TAOK3: variants seen among roughly 807,000 people sequenced by gnomAD.
TAOK3 encodes the protein TAO kinase 3, also known as serine/threonine-protein kinase TAO3.
A neutral mutation model predicts 120.4 loss-of-function variants in TAOK3; 40 were observed. That is an observed-to-expected ratio of 0.33 (90% CI 0.26 to 0.43). TAOK3 has a LOEUF of 0.43. Ranked by LOEUF, TAOK3 falls within the 20% of genes least tolerant of loss-of-function variation. TAOK3 has a pLI of 1.00. For synonymous variants in TAOK3, 355 were observed against 387.5 expected, an observed-to-expected ratio of 0.92 and a Z score of 0.99; for missense variants, 821 against 1,112.1, an observed-to-expected ratio of 0.74 and a Z score of 3.72.
intron 3 of TAOK3, among the ~76,000 whole-genome samples, chr12:118,253,774 C>T (rs1435754451): frequency 6.7e-6 from 1 of 150,362 alleles, no homozygotes; most frequent in South Asian, 2.1e-4. Flanking sequence ...AAAAACAGGG[C>T]CCGGTGCAGT....
chr12:118,268,772 G>A (rs1182425957), intron 1 of TAOK3, among the ~76,000 whole-genome samples: 2 of 152,184 alleles, frequency 1.3e-5, no homozygotes, highest in Admixed American at 1.3e-4. Context: ...ACTTTGAGAG[G>A]CCAAGGCGGG....
intron 3 of TAOK3, among the ~76,000 whole-genome samples, chr12:118,249,560 TAAAAA>T (rs772488477): frequency 1.6e-4 from 17 of 107,234 alleles, no homozygotes; most frequent in African/African-American, 6.0e-4. Context: ...AGATTTTGTC[TAAAAA>T]AAAAAAAAAA....
At chr12:118,321,237 TA>T in intron 1 of TAOK3, among the ~76,000 whole-genome samples, 1 of 150,678 alleles carries the variant, frequency 6.6e-6, no homozygotes, top group Middle Eastern at 3.5e-3. Context: ...TACATGCAAA[TA>T]CACACACACA....
chr12:118,153,939 AAATT>A (rs772529548), intron 19 of TAOK3, among the ~76,000 whole-genome samples: 17 of 152,236 alleles, frequency 1.1e-4, no homozygotes, highest in Non-Finnish European at 2.2e-4. Flanking sequence ...TACCTTCTAA[AAATT>A]AATCCTAACC....
At chr12:118,297,627 T>C (rs894910113) in intron 1 of TAOK3, among the ~76,000 whole-genome samples, 1 of 152,236 alleles carries the variant, frequency 6.6e-6, no homozygotes, top group Non-Finnish European at 1.5e-5. Context: ...GTTTATTGTT[T>C]CTCTCCTGTC....
intron 11 of TAOK3, among the ~76,000 whole-genome samples, chr12:118,210,740 CTTT>C (rs972130210): frequency 1.4e-5 from 2 of 139,058 alleles, no homozygotes; most frequent in Non-Finnish European, 1.6e-5. Context: ...TTTCTTTTTT[CTTT>C]TTTTTTTTTT....
At chr12:118,328,222 G>A (rs765933298) in intron 1 of TAOK3, among the ~76,000 whole-genome samples, 1 of 152,036 alleles carries the variant, frequency 6.6e-6, no homozygotes, top group East Asian at 1.9e-4. Context: ...CACCACGCCT[G>A]GCTAATTTTT....
chr12:118,324,906 A>G (rs1035980592), intron 1 of TAOK3, among the ~76,000 whole-genome samples: 3 of 151,342 alleles, frequency 2.0e-5, no homozygotes, highest in Non-Finnish European at 2.9e-5. Flanking sequence ...CACCAGGCCC[A>G]GCTAATTTTT....
intron 2 of TAOK3, among the ~76,000 whole-genome samples, chr12:118,257,178 C>T (rs1159587209): frequency 1.3e-5 from 2 of 152,154 alleles, no homozygotes; most frequent in African/African-American, 2.4e-5. Flanking sequence ...TCAGATCTAA[C>T]AGCAAAGCCC....
intron 11 of TAOK3, among the ~76,000 whole-genome samples, chr12:118,203,132 C>T (rs1043812851): frequency 5.9e-5 from 9 of 152,022 alleles, no homozygotes; most frequent in Non-Finnish European, 1.2e-4. Context: ...TACACACTAT[C>T]CCTTGAAAAA....
At chr12:118,334,968 C>T (rs1452822928) in intron 1 of TAOK3, among the ~76,000 whole-genome samples, 1 of 151,452 alleles carries the variant, frequency 6.6e-6, no homozygotes, top group African/African-American at 2.4e-5. Flanking sequence ...CACCTGAGGT[C>T]GGGAGTTTGA....
intron 1 of TAOK3, among the ~76,000 whole-genome samples, chr12:118,319,597 A>C (rs1202090773): frequency 6.6e-6 from 1 of 152,180 alleles, no homozygotes; most frequent in East Asian, 1.9e-4. Flanking sequence ...ACACATGAAA[A>C]AATGCTTATC....
chr12:118,249,417 C>T (rs757311159), intron 3 of TAOK3, among the ~76,000 whole-genome samples: 1 of 151,960 alleles, frequency 6.6e-6, no homozygotes, highest in African/African-American at 2.4e-5. Context: ...TGAAAATTAG[C>T]AGGGCGTGGT....
At chr12:118,167,213 C>T (rs1237019662) in intron 17 of TAOK3, among the ~76,000 whole-genome samples, 1 of 151,902 alleles carries the variant, frequency 6.6e-6, no homozygotes, top group African/African-American at 2.4e-5. Flanking sequence ...CTTGTTTTCA[C>T]TAATTAAAAG....
intron 1 of TAOK3, among the ~76,000 whole-genome samples, chr12:118,354,277 T>A (rs970212769): frequency 1.3e-5 from 2 of 152,172 alleles, no homozygotes; most frequent in Non-Finnish European, 1.5e-5. Flanking sequence ...AAATCAAGGT[T>A]AGTTGAACAC....
intron 1 of TAOK3, among the ~76,000 whole-genome samples, chr12:118,338,653 G>A (rs532704949): frequency 6.6e-6 from 1 of 151,958 alleles, no homozygotes; most frequent in Non-Finnish European, 1.5e-5. Context: ...AGGCGTGGTG[G>A]CCACGCGCCT....
Position 118,238,186 on chromosome 12 carries a change from A to T in TAOK3, c.341-17T>A. 1.3e-6 allele frequency: 2 copies of T among 1,534,356 alleles called. No individual in the cohort carries two copies. The highest frequency in any genetic ancestry group is 1.4e-5 in the African/African-American group (1 of 72,934). On this transcript the variant is annotated splice_polypyrimidine_tract_variant and intron_variant, in intron 6 of 20. Transcript: ENST00000392533. Reference sequence around the variant, plus strand: ...TTTTATGAACTGAGGAAGGAAAAAAAAAAAAGTCAGTAGATGATCAGTTTC... The same window carrying T: ...TTTTATGAACTGAGGAAGGAAAAAATAAAAAGTCAGTAGATGATCAGTTTC...
intron 1 of TAOK3, among the ~76,000 whole-genome samples, chr12:118,308,645 T>C (rs1329077749): frequency 6.6e-6 from 1 of 152,034 alleles, no homozygotes; most frequent in Non-Finnish European, 1.5e-5. Flanking sequence ...AAGTCTGTAA[T>C]TTGGCCGGGC....
chr12:118,331,827 ATTTTT>A (rs1279110025), intron 1 of TAOK3, among the ~76,000 whole-genome samples: 2 of 142,158 alleles, frequency 1.4e-5, no homozygotes, highest in African/African-American at 2.6e-5. Context: ...AAATACATGA[ATTTTT>A]TTTTTTTTTT....
Sources: gnomAD v4.1 joint callset for allele counts (sites outside exome capture counted in the v4.1 genomes callset) on GRCh38, gnomAD v4.1.1 for gene constraint, MANE v1.5 for transcripts, NCBI Gene and HGNC (gene_info 2026-07-23, HGNC 2026-07-21) for gene names.